PEX3: variants seen among roughly 807,000 people sequenced by gnomAD.
The protein encoded by PEX3 is peroxisomal biogenesis factor 3.
A neutral mutation model predicts 55.8 loss-of-function variants in PEX3; 30 were observed. The ratio of observed to expected loss-of-function variants is 0.54; its 90% CI spans 0.40 to 0.73. The LOEUF is 0.73. PEX3 is among the 30% of genes least tolerant of loss of function. PEX3 has a pLI of 0.00. For missense variants in PEX3, 351 were observed against 432.8 expected, an observed-to-expected ratio of 0.81 and a Z score of 1.68; for synonymous variants, 135 against 148.4, an observed-to-expected ratio of 0.91 and a Z score of 0.66.
At chr6:143,470,159 A>G (rs1162346718) in intron 4 of PEX3, among the ~76,000 whole-genome samples, 1 of 152,216 alleles carries the variant, frequency 6.6e-6, no homozygotes, top group Non-Finnish European at 1.5e-5. Context: ...CATGTTGGCC[A>G]GGATGGTCTC....
chr6:143,460,631 G>A (rs924984935), intron 2 of PEX3, among the ~76,000 whole-genome samples: 19 of 152,058 alleles, frequency 1.2e-4, no homozygotes, highest in Non-Finnish European at 2.2e-4. Flanking sequence ...TTGGGAGGCC[G>A]AGGCTGGTGG....
intron 9 of PEX3, among the ~76,000 whole-genome samples, chr6:143,477,673 A>G (rs367546120): frequency 1.6e-4 from 24 of 152,250 alleles, no homozygotes; most frequent in African/African-American, 5.5e-4. Flanking sequence ...AATTCAATTC[A>G]ATAATAAGAA....
chr6:143,476,944 G>A lies in PEX3; in HGVS notation c.818+2088G>A, dbSNP rs1780161237. On this transcript the variant is annotated intron_variant, in intron 9 of 11. Transcript: ENST00000367591. The surrounding 1 kb of genome is among the most constrained non-coding windows in gnomAD (Gnocchi z 5.4). ...GGGAAGAGCCAGCAAAGGAGACTGA[G>A]TAGGAGCTGCCAGCGAAAGAAAAGA... 6.6e-6 allele frequency among the ~76,000 whole-genome samples: 1 copy of A among 152,186 alleles called. No homozygotes were observed. Among genetic ancestry groups the A allele is most frequent in the Admixed American group, 6.5e-5 (1 of 15,278 alleles).
chr6:143,468,513 T>C (rs1432758070), intron 4 of PEX3, among the ~76,000 whole-genome samples: 1 of 152,298 alleles, frequency 6.6e-6, no homozygotes, highest in African/African-American at 2.4e-5. Flanking sequence ...TTGTTAGTGA[T>C]AAAAAATTGA....
At chr6:143,474,591 T>C (rs1562655671) in intron 8 of PEX3, among the ~76,000 whole-genome samples, 195 bp from the exon 9 acceptor site, 3 of 152,224 alleles carry the variant, frequency 2.0e-5, no homozygotes, top group Non-Finnish European at 4.4e-5. Flanking sequence ...CTTTTACTCA[T>C]GTCTTAAATT....
In PEX3 at chr6:143,480,997, G is replaced by T. The variant is rs183501929; in HGVS notation, c.941+1799G>T. 2.0e-5 allele frequency among the ~76,000 whole-genome samples: 3 copies of T among 152,134 alleles called. No individual in the cohort carries two copies. In the East Asian group the frequency reaches 5.8e-4, roughly 29 times the overall value. ...ACTGCACTTCATCCTGGGCGAGGGAGTGAGACCCCCCTGCCCCCCCAAAAA... is the reference window on the plus strand; with the variant it reads ...ACTGCACTTCATCCTGGGCGAGGGATTGAGACCCCCCTGCCCCCCCAAAAA... On this transcript the variant is annotated intron_variant, in intron 10 of 11. Transcript: ENST00000367591.
At position 143,451,386 on chromosome 6, in the gene PEX3, G is replaced by A. The variant is rs1779761131; in HGVS notation, c.73+271G>A. Among the ~76,000 whole-genome samples the A allele has an allele frequency of 1.3e-5, 2 of 152,080 alleles. No homozygotes were observed. Among genetic ancestry groups the A allele is most frequent in the Admixed American group, 1.3e-4 (2 of 15,266 alleles). ...ACGGACCTTTGGAGAACTCATCACAGTTTAAGTTTCTGTTTCAAGGCACCA... is the reference window on the plus strand; with the variant it reads ...ACGGACCTTTGGAGAACTCATCACAATTTAAGTTTCTGTTTCAAGGCACCA... On this transcript the variant is annotated intron_variant, in intron 1 of 11. Transcript: ENST00000367591. This position sits in a 1 kb window ranked among gnomAD's most constrained non-coding sequence, Gnocchi z 4.1.
At chr6:143,468,587 T>C (rs1780022425) in intron 4 of PEX3, among the ~76,000 whole-genome samples, 1 of 152,194 alleles carries the variant, frequency 6.6e-6, no homozygotes, top group Non-Finnish European at 1.5e-5. Flanking sequence ...TGTTTTCCCA[T>C]CCATTCAGCT....
At chr6:143,452,822 CAAGTGCCTGTAATGCT>C (rs1187109153) in intron 1 of PEX3, among the ~76,000 whole-genome samples, 1 of 152,144 alleles carries the variant, frequency 6.6e-6, no homozygotes, top group Non-Finnish European at 1.5e-5. Context: ...AAATACCTAT[CAAGTGCCTGTAATGCT>C]GAAGGTAATA....
intron 8 of PEX3, among the ~76,000 whole-genome samples, chr6:143,473,838 C>G (rs1780109965): frequency 6.6e-6 from 1 of 151,840 alleles, no homozygotes; most frequent in African/African-American, 2.4e-5. Context: ...CACCATTGCA[C>G]TCCAGACTGG....
rs1281130034 is a variant in PEX3 at position 143,483,670 on chromosome 6, T to C, written c.942-1482T>C. On this transcript the variant is annotated intron_variant, in intron 10 of 11. Coordinates refer to ENST00000367591, the MANE Select transcript of PEX3 (RefSeq NM_003630.3). The surrounding 1 kb of genome is among the most constrained non-coding windows in gnomAD (Gnocchi z 4.3). ...GGAGAGTGATGTAATGGAATTTACA[T>C]TGTATGATTTCTTTGACTGGTTTGT... Among the ~76,000 whole-genome samples the C allele has an allele frequency of 1.3e-5, 2 of 152,144 alleles. No individual in the cohort carries two copies. Among genetic ancestry groups the C allele is most frequent in the Non-Finnish European group, 2.9e-5 (2 of 68,000 alleles).
At chr6:143,468,894 A>T (rs989127265) in intron 4 of PEX3, among the ~76,000 whole-genome samples, 1 of 133,988 alleles carries the variant, frequency 7.5e-6, no homozygotes, top group African/African-American at 2.8e-5. Flanking sequence ...TCATTGTTCA[A>T]TTCCCACCTA....
At chr6:143,472,932 C>A (rs1455410893) in intron 8 of PEX3, among the ~76,000 whole-genome samples, 2 of 152,120 alleles carry the variant, frequency 1.3e-5, no homozygotes, top group African/African-American at 4.8e-5. Context: ...ACTGGTGTGT[C>A]CTGGGTAGTT....
At chr6:143,460,862 CT>C (rs1779908270) in intron 2 of PEX3, among the ~76,000 whole-genome samples, 1 of 130,392 alleles carries the variant, frequency 7.7e-6, no homozygotes, top group African/African-American at 3.2e-5. Flanking sequence ...GAAACTCTGT[CT>C]CAAAAAAAAA....
intron 2 of PEX3, among the ~76,000 whole-genome samples, chr6:143,460,756 T>A (rs1034463194): frequency 2.0e-5 from 3 of 149,730 alleles, no homozygotes; most frequent in South Asian, 2.1e-4. Flanking sequence ...CCCAACTACT[T>A]GGGAGGCTGA....
In PEX3 at chr6:143,464,729, T is replaced by C. The variant is rs1355288989; in HGVS notation, c.287+1732T>C. Among the ~76,000 whole-genome samples, 1 of 151,822 alleles carries C rather than the reference T, an allele frequency of 6.6e-6. No homozygotes were observed. The highest frequency in any genetic ancestry group is 1.5e-5 in the Non-Finnish European group (1 of 67,804). ...ATTTGGTGGGGGGAGAAGGGTAATA[T>C]CCATTTGAAAAATATTTGCATAAAT... On this transcript the variant is annotated intron_variant, in intron 3 of 11. Transcript: ENST00000367591. This position sits in a 1 kb window ranked among gnomAD's most constrained non-coding sequence, Gnocchi z 5.8.
intron 9 of PEX3, 96 bp downstream of exon 9, chr6:143,474,952 T>C: frequency 1.5e-6 from 1 of 663,362 alleles, no homozygotes; most frequent in Non-Finnish European, 2.6e-6. Flanking sequence ...GTCGGTATAA[T>C]ATTATATTAA....
At chr6:143,455,359 A>ATTTTTT (rs56788350) in intron 1 of PEX3, among the ~76,000 whole-genome samples, 84 of 71,982 alleles carry the variant, frequency 1.2e-3, no homozygotes, top group African/African-American at 2.2e-3. Context: ...CGCCCGGCTA[A>ATTTTTT]TTTTTTTTTT....
chr6:143,457,928 G>C (rs374568391), intron 1 of PEX3, among the ~76,000 whole-genome samples: 10 of 152,280 alleles, frequency 6.6e-5, no homozygotes, highest in African/African-American at 1.4e-4. Flanking sequence ...TTGAACTAGC[G>C]GCTAAGGATC....
Sources: allele counts gnomAD v4.1 joint callset (sites outside exome capture counted in the v4.1 genomes callset), GRCh38; gene constraint gnomAD v4.1.1; non-coding constraint Gnocchi (gnomAD v3.1); transcripts MANE v1.5; gene names NCBI Gene and HGNC (gene_info 2026-07-23, HGNC 2026-07-21).